ADGRL3: variants seen among roughly 807,000 people sequenced by gnomAD.
ADGRL3 encodes the protein adhesion G protein-coupled receptor L3, also known as calcium-independent alpha-latrotoxin receptor 3.
In ADGRL3, 62 loss-of-function variants were observed where a neutral mutation model predicts 153.5. The ratio of observed to expected loss-of-function variants is 0.40; its 90% confidence interval spans 0.33 to 0.50. The LOEUF is 0.50. Ranked by LOEUF, ADGRL3 falls within the 20% of genes least tolerant of loss-of-function variation. ADGRL3 has a pLI of 0.47. For synonymous variants in ADGRL3, 710 were observed against 672.5 expected (o/e 1.06, Z -0.86); for missense variants, 1,641 against 1,859.4 (o/e 0.88, Z 2.16).
In ADGRL3 at chr4:61,823,021, C is replaced by A. The variant is rs184413902; in HGVS notation, c.1480+9132C>A. Among the ~76,000 whole-genome samples the A allele has an allele frequency of 9.4e-4, 143 of 152,160 alleles. 1 individual carries two copies. The highest frequency in any genetic ancestry group is 6.6e-4 in the Non-Finnish European group (45 of 68,012). On this transcript the variant is annotated intron_variant, in intron 9 of 26. Coordinates refer to ENST00000683033, the MANE Select transcript of ADGRL3 (RefSeq NM_001387552.1). ...GTTCCAGAGAAGAGAAATCACTGTT[C>A]CAGAGAAAAGAAAGTCACCGGGATT...
At chr4:61,836,979 T>G (rs912723241) in intron 9 of ADGRL3, among the ~76,000 whole-genome samples, 2 of 152,136 alleles carry the variant, frequency 1.3e-5, no homozygotes, top group African/African-American at 4.8e-5. Flanking sequence ...ATGGCAATTC[T>G]AAACCTGGTA....
intron 8 of ADGRL3, among the ~76,000 whole-genome samples, chr4:61,748,604 C>T (rs956707665): frequency 1.2e-4 from 18 of 151,974 alleles, no homozygotes; most frequent in African/African-American, 2.7e-4. Flanking sequence ...AAACAAGCAA[C>T]GGGTAAAGGA....
At chr4:61,538,530 C>T (rs891776607) in intron 4 of ADGRL3, among the ~76,000 whole-genome samples, 10 of 152,144 alleles carry the variant, frequency 6.6e-5, no homozygotes, top group South Asian at 2.1e-4. Context: ...ACCTCCGCTT[C>T]CCAGCTTCAA....
chr4:61,282,989 A>G (rs1204114690), intron 1 of ADGRL3, among the ~76,000 whole-genome samples: 3 of 152,080 alleles, frequency 2.0e-5, no homozygotes, highest in Non-Finnish European at 2.9e-5. Flanking sequence ...TTAATATGAC[A>G]TGTAGAATTC....
intron 5 of ADGRL3, among the ~76,000 whole-genome samples, chr4:61,653,146 TCTCTGTCTCTCTCTCTCTCTCTCTCA>T (rs1295537698): frequency 2.9e-5 from 3 of 104,918 alleles, no homozygotes; most frequent in Non-Finnish European, 6.4e-5. Flanking sequence ...TCTCTCTCTC[TCTCTGTCTCTCTCTCTCTCTCTCTCA>T]CACACACACA....
chr4:61,953,184 G>A lies in ADGRL3; in HGVS notation c.2805+4908G>A, dbSNP rs995449. ...TAATTTATTCATACACAGAAGTACA[G>A]CAGCCAGTTGGAACAGATATTTATG... On this transcript the variant is annotated intron_variant, in intron 17 of 26. Coordinates refer to ENST00000683033, the MANE Select transcript of ADGRL3 (RefSeq NM_001387552.1). Among the ~76,000 whole-genome samples, 22 of 152,296 alleles carry A rather than the reference G, an allele frequency of 1.4e-4. No individual in the cohort carries two copies. In the East Asian group the frequency reaches 2.5e-3, roughly 17 times the overall value.
chr4:61,238,938 T>C (rs1229281637), intron 1 of ADGRL3, among the ~76,000 whole-genome samples: 2 of 152,158 alleles, frequency 1.3e-5, no homozygotes, highest in Non-Finnish European at 2.9e-5. Context: ...TAAAGCTTTT[T>C]AAAATAAATA....
intron 9 of ADGRL3, among the ~76,000 whole-genome samples, chr4:61,844,782 G>C (rs1398362497): frequency 6.6e-6 from 1 of 151,344 alleles, no homozygotes; most frequent in African/African-American, 2.4e-5. Context: ...TTTTCCAACA[G>C]ACTCAAGCTA....
chr4:61,923,527 C>G (rs1261493236), intron 13 of ADGRL3, among the ~76,000 whole-genome samples: 1 of 152,106 alleles, frequency 6.6e-6, no homozygotes, highest in African/African-American at 2.4e-5. Context: ...GGCTCCTCCT[C>G]GGATCCTACA....
intron 8 of ADGRL3, among the ~76,000 whole-genome samples, chr4:61,754,055 G>A (rs1490646618): frequency 1.3e-5 from 2 of 152,138 alleles, no homozygotes; most frequent in Non-Finnish European, 2.9e-5. Flanking sequence ...TCACATGTAA[G>A]GCTGAGAATT....
intron 6 of ADGRL3, among the ~76,000 whole-genome samples, chr4:61,729,406 G>A (rs1236820474): frequency 6.6e-6 from 1 of 151,860 alleles, no homozygotes; most frequent in Non-Finnish European, 1.5e-5. Context: ...GGAGAGAAAC[G>A]AGTATGGTTT....
At chr4:61,530,934 A>G (rs1487488980) in intron 4 of ADGRL3, among the ~76,000 whole-genome samples, 3 of 152,178 alleles carry the variant, frequency 2.0e-5, no homozygotes, top group Non-Finnish European at 2.9e-5. Flanking sequence ...ATTTGGTTAT[A>G]AAATCCTTGA....
chr4:61,330,303 A>G (rs941825272), intron 1 of ADGRL3, among the ~76,000 whole-genome samples: 1 of 152,146 alleles, frequency 6.6e-6, no homozygotes, highest in Non-Finnish European at 1.5e-5. Context: ...AGACTGAGCC[A>G]AGAAGATAGC....
intron 8 of ADGRL3, among the ~76,000 whole-genome samples, chr4:61,782,521 T>TG (rs2152389020): frequency 6.6e-6 from 1 of 152,136 alleles, no homozygotes; most frequent in East Asian, 1.9e-4. Flanking sequence ...CTCAGACAAA[T>TG]GGGGAAAATG....
At chr4:61,482,964 T>G (rs2098147313) in intron 2 of ADGRL3, among the ~76,000 whole-genome samples, 1 of 152,330 alleles carries the variant, frequency 6.6e-6, no homozygotes, top group East Asian at 1.9e-4. Flanking sequence ...TGTATAATAC[T>G]ATCTGACTCA....
chr4:62,017,629 T>C (rs1003570696), intron 21 of ADGRL3, among the ~76,000 whole-genome samples: 1 of 152,124 alleles, frequency 6.6e-6, no homozygotes, highest in Non-Finnish European at 1.5e-5. Flanking sequence ...GTTTGTACTC[T>C]GGTAAGGATA....
chr4:62,030,348 A>G (rs1201776893), intron 22 of ADGRL3, among the ~76,000 whole-genome samples: 1 of 151,572 alleles, frequency 6.6e-6, no homozygotes, highest in Non-Finnish European at 1.5e-5. Flanking sequence ...GGAAAGAAAT[A>G]TGAATTTACC....
In ADGRL3 at chr4:61,533,174, C is replaced by T. The variant is rs535502080; in HGVS notation, c.259+15656C>T. On this transcript the variant is annotated intron_variant, in intron 4 of 26. Coordinates refer to ENST00000683033, the MANE Select transcript of ADGRL3 (RefSeq NM_001387552.1). ...AAGACCCAGAATTAAATCTTATACT[C>T]TGTGGGAGTCTTTTCAGTAAAATGT... Among the ~76,000 whole-genome samples the T allele has an allele frequency of 3.1e-4, 47 of 152,268 alleles. 1 individual carries two copies. The South Asian group carries it at 9.1e-3, about 30-fold the overall frequency.
At chr4:62,052,751 C>T (rs542717875) in intron 25 of ADGRL3, among the ~76,000 whole-genome samples, 2 of 151,250 alleles carry the variant, frequency 1.3e-5, no homozygotes, top group South Asian at 4.2e-4. Flanking sequence ...AGGTAAAGAG[C>T]TTTTCCCTAT....
Sources: gnomAD v4.1 joint callset for allele counts (sites outside exome capture counted in the v4.1 genomes callset) on GRCh38, gnomAD v4.1.1 for gene constraint, MANE v1.5 for transcripts, NCBI Gene and HGNC (gene_info 2026-07-23, HGNC 2026-07-21) for gene names.